MYH10: variants seen among roughly 807,000 people sequenced by gnomAD.
MYH10 encodes the protein myosin-10.
In MYH10, 55 loss-of-function variants were observed where a neutral mutation model predicts 257.8. The ratio of observed to expected loss-of-function variants is 0.21; its 90% CI spans 0.17 to 0.27. MYH10 has a LOEUF of 0.27. MYH10 is among the 10% of genes least tolerant of loss of function. The pLI is 1.00. For missense variants in MYH10, 1,631 were observed against 2,500.6 expected (o/e 0.65, Z 7.42); for synonymous variants, 854 against 921.7 (o/e 0.93, Z 1.33).
chr17:8,514,403 A>G (rs900037278), intron 21 of MYH10, among the ~76,000 whole-genome samples: 3 of 151,954 alleles, frequency 2.0e-5, no homozygotes, highest in Admixed American at 1.3e-4. Context: ...AAAAGCTACA[A>G]TGGGGTTGTC....
chr17:8,512,631 TG>T lies in MYH10; in HGVS notation c.2771del (p.Ala924GlufsTer17). ...QQLLEEKNIL[A>X]EQLQAETELF... ...GCTCAGTCTCTGCTTGTAGTTGTTC[TG>T]CAAGGATATTCTTCTCTTCTAAAAG... On this transcript the variant is annotated frameshift_variant, in exon 24 of 43. Coordinates refer to ENST00000360416, the MANE Select transcript of MYH10 (RefSeq NM_001256012.3). LOFTEE classifies it high-confidence loss of function. The T allele has an allele frequency of 6.2e-7, 1 of 1,612,728 alleles. No individual in the cohort carries two copies. Among genetic ancestry groups the T allele is most frequent in the Non-Finnish European group, 8.5e-7 (1 of 1,179,844 alleles).
chr17:8,620,483 G>GA (rs397692741), intron 2 of MYH10, among the ~76,000 whole-genome samples: 1 of 151,644 alleles, frequency 6.6e-6, no homozygotes, highest in Non-Finnish European at 1.5e-5. Context: ...GAAATTGGGG[G>GA]TCAGAGAGAA....
chr17:8,489,708 A>ACATACACACACACACACACAC (rs1555570829), intron 35 of MYH10, among the ~76,000 whole-genome samples: 1 of 93,084 alleles, frequency 1.1e-5, no homozygotes, highest in Non-Finnish European at 2.4e-5. Context: ...CGTCTGAAAA[A>ACATACACACACACACACACAC]ACACACACAC....
chr17:8,544,498 T>C (rs1270570300), intron 13 of MYH10, among the ~76,000 whole-genome samples: 1 of 152,200 alleles, frequency 6.6e-6, no homozygotes, highest in Non-Finnish European at 1.5e-5. Flanking sequence ...GATTTCTTAA[T>C]ATATTTACAA....
chr17:8,579,401 G>A lies in MYH10; in HGVS notation c.531-2063C>T, dbSNP rs189117941. On this transcript the variant is annotated intron_variant, in intron 4 of 42. Transcript: ENST00000360416. ...CACCCAGATAACCACAAACTCAACC[G>A]CAGGGAAGACTGGGTGAAGGAACCC... 1.5e-3 allele frequency among the ~76,000 whole-genome samples: 226 copies of A among 152,190 alleles called. 1 individual carries two copies. The highest frequency in any genetic ancestry group is 3.4e-3 in the Middle Eastern group (1 of 294).
chr17:8,594,973 G>C (rs2084306147), intron 3 of MYH10, among the ~76,000 whole-genome samples: 2 of 152,122 alleles, frequency 1.3e-5, no homozygotes, highest in Admixed American at 1.3e-4. Flanking sequence ...GAATACAGAG[G>C]GCCAACTGTA....
chr17:8,572,661 A>C (rs1208808358), intron 6 of MYH10, among the ~76,000 whole-genome samples: 1 of 152,098 alleles, frequency 6.6e-6, no homozygotes, highest in Non-Finnish European at 1.5e-5. Context: ...AGGCAGCAAG[A>C]AGATTTATGG....
rs1597702462 is a variant in MYH10 at position 8,512,703 on chromosome 17, T to C, written c.2746-46A>G. 3.4e-6 allele frequency: 5 copies of C among 1,482,020 alleles called. 1 individual carries two copies. The highest frequency in any genetic ancestry group is 4.5e-5 in the East Asian group (2 of 43,978). 91.8% of individuals were successfully genotyped at this position (1,482,020 alleles called of 1,614,324 possible). ...CTGTGATTTGCCCCTATTACATACG[T>C]ACACAGTATATATTCGCCGTGATTT... is the stretch of plus-strand genomic sequence containing the variant. On this transcript the variant is annotated intron_variant, in intron 23 of 42. Coordinates refer to ENST00000360416, the MANE Select transcript of MYH10 (RefSeq NM_001256012.3).
chr17:8,522,042 G>A (rs541697992), intron 17 of MYH10, among the ~76,000 whole-genome samples: 2 of 152,204 alleles, frequency 1.3e-5, no homozygotes, highest in African/African-American at 4.8e-5. Context: ...TACTTCTAAT[G>A]ATGAGACCAT....
rs561925488 is a variant in MYH10 at position 8,536,409 on chromosome 17, C to T, written c.1606-478G>A. On this transcript the variant is annotated intron_variant, in intron 14 of 42. Coordinates refer to ENST00000360416, the MANE Select transcript of MYH10 (RefSeq NM_001256012.3). ...ATTAAATGTATCACTTTATATTTGG[C>T]GAAATATTTTAAACTATTATTAAGT... 5.3e-5 allele frequency among the ~76,000 whole-genome samples: 8 copies of T among 151,980 alleles called. No individual in the cohort carries two copies. In the East Asian group the frequency reaches 7.7e-4, roughly 15 times the overall value.
chr17:8,511,037 T>TATAC (rs1555578974), intron 24 of MYH10: 1 of 17,622 alleles, frequency 5.7e-5, no homozygotes, highest in Non-Finnish European at 1.6e-4. Flanking sequence ...TATATATATA[T>TATAC]ATATATATAT....
intron 3 of MYH10, among the ~76,000 whole-genome samples, chr17:8,601,433 C>T (rs1038625218): frequency 2.0e-5 from 3 of 152,230 alleles, no homozygotes; most frequent in African/African-American, 4.8e-5. Context: ...CAAGATGAAG[C>T]GTATCTCCTT....
chr17:8,541,614 C>T (rs73248072), intron 14 of MYH10, among the ~76,000 whole-genome samples: 2,738 of 150,982 alleles, frequency 0.018, 74 homozygotes, highest in African/African-American at 0.061. Context: ...AAGATTGCCA[C>T]TAAAAATACA....
intron 27 of MYH10, among the ~76,000 whole-genome samples, chr17:8,505,576 AT>A (rs1335596981): frequency 6.6e-6 from 1 of 152,264 alleles, no homozygotes; most frequent in East Asian, 1.9e-4. Context: ...TTAGACATAT[AT>A]TTATTACATC....
Position 8,600,056 on chromosome 17 carries a change from T to C in MYH10, c.502+4770A>G, listed in dbSNP as rs140204010. 3.6e-3 allele frequency among the ~76,000 whole-genome samples: 550 copies of C among 152,216 alleles called. 6 individuals are homozygous for C. The highest frequency in any genetic ancestry group is 0.011 in the African/African-American group (463 of 41,524). ...AGGACCAAGGTAGGATTAGCAAGAG[T>C]TGAGTGTAGAATCAGGGCTCACGGT... On this transcript the variant is annotated intron_variant, in intron 3 of 42. Coordinates refer to ENST00000360416, the MANE Select transcript of MYH10 (RefSeq NM_001256012.3).
chr17:8,499,356 C>T lies in MYH10; in HGVS notation c.3865G>A (p.Asp1289Asn). 7 of 1,614,168 alleles carry T rather than the reference C, an allele frequency of 4.3e-6. No individual in the cohort carries two copies. Among genetic ancestry groups the T allele is most frequent in the Non-Finnish European group, 5.9e-6 (7 of 1,180,040 alleles). ...AESEHKRKKL[D>N]AQVQELHAKV... is the part of the protein sequence containing the mutation. ...GCATGGAGCTCCTGGACCTGCGCGT[C>T]GAGCTTCTTCCTCTTGTGCTCAGAC... The change falls in exon 30 of 43, where the codon GAC (aspartate) becomes AAC (asparagine). Residue 1289 changes from aspartate (D) to asparagine (N), a missense_variant. Physicochemically the swap from Asp to Asn is conservative, Grantham distance 23. Coordinates refer to ENST00000360416, the MANE Select transcript of MYH10 (RefSeq NM_001256012.3).
rs770974569 is a variant in MYH10 at position 8,521,084 on chromosome 17, G to A, written c.2151+8C>T. 1.2e-6 allele frequency: 2 copies of A among 1,614,146 alleles called. No individual in the cohort carries two copies. Among genetic ancestry groups the A allele is most frequent in the South Asian group, 2.2e-5 (2 of 91,086 alleles). Reference sequence around the variant, plus strand: ...TAAATACTAGCATATGTTTTGCTCAGCACGTACCCTCTTCTCGTGATTTGG... The same window carrying A: ...TAAATACTAGCATATGTTTTGCTCAACACGTACCCTCTTCTCGTGATTTGG... On this transcript the variant is annotated splice_region_variant and intron_variant, in intron 18 of 42. Coordinates refer to ENST00000360416, the MANE Select transcript of MYH10 (RefSeq NM_001256012.3).
At chr17:8,491,327 G>A (rs1453947962) in intron 34 of MYH10, among the ~76,000 whole-genome samples, 2 of 152,206 alleles carry the variant, frequency 1.3e-5, no homozygotes, top group East Asian at 1.9e-4. Context: ...TACAGAAAAC[G>A]AACATGAAAT....
At chr17:8,579,608 T>C (rs574748450) in intron 4 of MYH10, among the ~76,000 whole-genome samples, 166 of 152,332 alleles carry the variant, frequency 1.1e-3, no homozygotes, top group African/African-American at 3.8e-3. Context: ...CCACCCCTCA[T>C]GTTATCGTAA....
Sources: allele counts gnomAD v4.1 joint callset (sites outside exome capture counted in the v4.1 genomes callset), GRCh38; gene constraint gnomAD v4.1.1; transcripts MANE v1.5; gene names NCBI Gene and HGNC (gene_info 2026-07-23, HGNC 2026-07-21).